The following SERTM1 variants were observed in gnomAD, a reference collection of about 807,000 sequenced individuals.
SERTM1 encodes serine-rich and transmembrane domain-containing protein 1.
A neutral mutation model predicts 5.5 loss-of-function variants in SERTM1; 1 was observed. The ratio of observed to expected loss-of-function variants is 0.18; its 90% CI spans 0.06 to 0.86. The LOEUF is 0.86. Ranked by LOEUF, SERTM1 falls within the 40% of genes least tolerant of loss-of-function variation. The probability of loss-of-function intolerance (pLI) is 0.69; values close to 1 mark genes in which losing one functional copy is unlikely to be tolerated. For synonymous variants in SERTM1, 52 were observed against 55.1 expected (o/e 0.94, Z 0.25); for missense variants, 91 against 122.4 (o/e 0.74, Z 1.21).
chr13:36,684,721 A>G (rs1671998440), intron 1 of SERTM1, among the ~76,000 whole-genome samples: 1 of 152,022 alleles, frequency 6.6e-6, no homozygotes, highest in South Asian at 2.1e-4. Context: ...AAAAATAGTG[A>G]ATAATGGGTG....
At chr13:36,694,837 A>G in intron 1 of SERTM1, 69 bp from the exon 2 acceptor site, 1 of 519,374 alleles carries the variant, frequency 1.9e-6, no homozygotes, top group Non-Finnish European at 3.4e-6. Flanking sequence ...CCTTACTGAA[A>G]TAAAACCTAA....
At chr13:36,688,272 G>A (rs1009776496) in intron 1 of SERTM1, among the ~76,000 whole-genome samples, 4 of 151,542 alleles carry the variant, frequency 2.6e-5, no homozygotes, top group African/African-American at 9.7e-5. Flanking sequence ...GGAATGCAGT[G>A]GCACGATCAT....
rs1488499731 is a variant in SERTM1, at chr13:36,682,639, T to TCC, written c.-174+8455_-174+8456insCC. On this transcript the variant is annotated intron_variant, in intron 1 of 1. Coordinates refer to ENST00000315190, the MANE Select transcript of SERTM1 (RefSeq NM_203451.3). ...AACTGGAGAATTGAAAACAGCATGT[T>TCC]ATGCCTGGAACGCAAATCTTAGGTA... 2.6e-5 allele frequency among the ~76,000 whole-genome samples: 4 copies of TCC among 152,288 alleles called. No homozygotes were observed. The East Asian group carries it at 5.8e-4, about 22-fold the overall frequency.
chr13:36,691,469 T>G (rs2138097540), intron 1 of SERTM1, among the ~76,000 whole-genome samples: 1 of 152,266 alleles, frequency 6.6e-6, no homozygotes, highest in African/African-American at 2.4e-5. Flanking sequence ...TGCTTTTTTG[T>G]AGATTTCTTC....
At chr13:36,683,765 G>A (rs1011706592) in intron 1 of SERTM1, among the ~76,000 whole-genome samples, 20 of 152,274 alleles carry the variant, frequency 1.3e-4, no homozygotes, top group Middle Eastern at 6.8e-3. Context: ...AAGTCATACA[G>A]TCACCCTAAA....
At chr13:36,685,281 G>A (rs908858963) in intron 1 of SERTM1, among the ~76,000 whole-genome samples, 1 of 152,212 alleles carries the variant, frequency 6.6e-6, no homozygotes, top group Non-Finnish European at 1.5e-5. Context: ...GGATTAGCAG[G>A]ACCACGGGAA....
chr13:36,685,287 G>A (rs905059722), intron 1 of SERTM1, among the ~76,000 whole-genome samples: 1 of 152,202 alleles, frequency 6.6e-6, no homozygotes, highest in Non-Finnish European at 1.5e-5. Flanking sequence ...GCAGGACCAC[G>A]GGAAACCCAC....
chr13:36,686,801 G>T (rs562889449), intron 1 of SERTM1, among the ~76,000 whole-genome samples: 20 of 152,198 alleles, frequency 1.3e-4, no homozygotes, highest in Admixed American at 2.6e-4. Context: ...ATTGATCCAA[G>T]ATCCACCAAG....
chr13:36,685,194 C>T (rs910736516), intron 1 of SERTM1, among the ~76,000 whole-genome samples: 2 of 152,132 alleles, frequency 1.3e-5, no homozygotes, highest in African/African-American at 4.8e-5. Flanking sequence ...CTTTATTAAC[C>T]AGACTTTTGA....
rs1287120651 is a variant in SERTM1, at chr13:36,695,209, A to C, written c.131A>C (p.Tyr44Ser). ...GGCCACCTGTCAAACGTCTACATCT[A>C]TGTGTCCATATTCCTCAGCCTTTTA... ...SSGHLSNVYI[Y>S]VSIFLSLLAF... The change falls in exon 2 of 2, where the codon TAT (tyrosine) becomes TCT (serine). Residue 44 changes from tyrosine to serine, a missense_variant. By Grantham distance (144) the Tyr-to-Ser change is moderately radical. Transcript: ENST00000315190. 1 of 1,614,068 alleles carries C rather than the reference A, an allele frequency of 6.2e-7. No individual in the cohort carries two copies.
At chr13:36,690,783 T>A (rs1404516260) in intron 1 of SERTM1, among the ~76,000 whole-genome samples, 6 of 152,212 alleles carry the variant, frequency 3.9e-5, no homozygotes, top group African/African-American at 1.4e-4. Context: ...CTTCCTTTTG[T>A]GTACTGGAAA....
At chr13:36,689,342 C>A (rs1566230605) in intron 1 of SERTM1, among the ~76,000 whole-genome samples, 1 of 151,794 alleles carries the variant, frequency 6.6e-6, no homozygotes, top group South Asian at 2.1e-4. Context: ...CCCATCTCTA[C>A]TAAAATACAA....
At chr13:36,694,649 G>C (rs1353760585) in intron 1 of SERTM1, among the ~76,000 whole-genome samples, 1 of 152,190 alleles carries the variant, frequency 6.6e-6, no homozygotes, top group African/African-American at 2.4e-5. Context: ...CATCATAAAT[G>C]TATTTTCCCT....
rs1267825393 is a variant in SERTM1, at chr13:36,674,137, C to A, written c.-221C>A. On this transcript the variant is annotated 5_prime_UTR_variant, in exon 1 of 2. Transcript: ENST00000315190. ...CGTCCAGACCGGAGCACCGCCCCAC[C>A]GCTAGCGCAGGAGACCTGCCGGGGA... 7.9e-5 allele frequency: 12 copies of A among 152,404 alleles called. No individual in the cohort carries two copies. The highest frequency in any genetic ancestry group is 7.2e-4 in the Admixed American group (11 of 15,308). The allele number at this position is 152,404 out of a possible 1,614,324, so 9.4% of individuals were successfully genotyped here. A position where few individuals can be genotyped will look rare whatever the true frequency, so the allele number is the denominator to read the frequency against.
chr13:36,697,570 A>T lies in SERTM1; in HGVS notation c.*2168A>T, dbSNP rs12430330. The T allele has an allele frequency of 0.14, 22,756 of 166,708 alleles. 1,737 individuals are homozygous for T. Among genetic ancestry groups the T allele is most frequent in the African/African-American group, 0.21 (8,502 of 41,354 alleles). 10.3% of individuals were successfully genotyped at this position (166,708 alleles called of 1,614,324 possible). Reference sequence around the variant, plus strand: ...TTTATATCCTTTCCATGTGAAAGAGATATAAAGAATTCTGACAGCAAAACT... The same window carrying T: ...TTTATATCCTTTCCATGTGAAAGAGTTATAAAGAATTCTGACAGCAAAACT... On this transcript the variant is annotated 3_prime_UTR_variant, in exon 2 of 2. Coordinates refer to ENST00000315190, the MANE Select transcript of SERTM1 (RefSeq NM_203451.3).
Position 36,695,306 on chromosome 13 carries a change from C to T in SERTM1, c.228C>T (p.Tyr76=). 3 of 1,614,118 alleles carry T rather than the reference C, an allele frequency of 1.9e-6. No homozygotes were observed. Among genetic ancestry groups the T allele is most frequent in the Non-Finnish European group, 2.5e-6 (3 of 1,179,984 alleles). ...ATATCATCTCCTCCAGTTCCTCCTA[C>T]CCAGAGTATCCAAGCGACGCTGGAA... ...LKNIISSSSS[Y]PEYPSDAGSS... The change falls in exon 2 of 2, where the codon TAC becomes TAT. Residue 76 remains tyrosine, a synonymous_variant. Transcript: ENST00000315190.
Position 36,695,207 on chromosome 13 carries a change from C to G in SERTM1, c.129C>G (p.Ile43Met). The change falls in exon 2 of 2, where the codon ATC becomes ATG. Residue 43 changes from isoleucine to methionine, a missense_variant. Physicochemically the swap from Ile to Met is conservative, Grantham distance 10 (BLOSUM62 1). Transcript: ENST00000315190. ...PSSGHLSNVYIYVSIFLSLLA... is the reference protein window; with the variant it reads ...PSSGHLSNVYMYVSIFLSLLA... ...CAGGCCACCTGTCAAACGTCTACAT[C>G]TATGTGTCCATATTCCTCAGCCTTT... 1 of 1,614,218 alleles carries G rather than the reference C, an allele frequency of 6.2e-7. No homozygotes were observed.
chr13:36,676,297 A>G (rs547918124), intron 1 of SERTM1, among the ~76,000 whole-genome samples: 2 of 151,936 alleles, frequency 1.3e-5, no homozygotes, highest in Non-Finnish European at 2.9e-5. Context: ...CTAACTCATC[A>G]CAGGCAAAAT....
At chr13:36,691,960 A>G (rs1433476801) in intron 1 of SERTM1, among the ~76,000 whole-genome samples, 1 of 152,230 alleles carries the variant, frequency 6.6e-6, no homozygotes, top group East Asian at 1.9e-4. Flanking sequence ...AACTTCAATA[A>G]GGAAACGAGA....
Sources: allele counts gnomAD v4.1 joint callset (sites outside exome capture counted in the v4.1 genomes callset), GRCh38; gene constraint gnomAD v4.1.1; transcripts MANE v1.5; gene names NCBI Gene and HGNC (gene_info 2026-07-23, HGNC 2026-07-21).